DCC: variants seen among roughly 807,000 people sequenced by gnomAD.
DCC encodes the protein DCC netrin 1 receptor.
In DCC, 58 loss-of-function variants were observed where a neutral mutation model predicts 172.5. That is an observed-to-expected ratio of 0.34 (90% CI 0.27 to 0.42). The LOEUF is 0.42. Among genes scored for constraint, DCC ranks in the 10% least tolerant of loss-of-function variants. The pLI, the probability that DCC is intolerant of heterozygous loss-of-function variation, is 1.00. For missense variants in DCC, 1,740 were observed against 1,791.0 expected (o/e 0.97, Z 0.51); for synonymous variants, 709 against 644.5 (o/e 1.10, Z -1.52).
At chr18:52,645,731 C>T (rs571025366) in intron 1 of DCC, among the ~76,000 whole-genome samples, 2 of 152,252 alleles carry the variant, frequency 1.3e-5, no homozygotes, top group Middle Eastern at 3.4e-3. Flanking sequence ...GCAGCCCGTT[C>T]AGATGTAGCA....
chr18:53,162,742 T>C (rs2054862474), intron 8 of DCC, among the ~76,000 whole-genome samples: 1 of 152,224 alleles, frequency 6.6e-6, no homozygotes, highest in Non-Finnish European at 1.5e-5. Context: ...AAGCCTTTCT[T>C]GATCCCTGGC....
chr18:52,466,045 A>C (rs1428217794), intron 1 of DCC, among the ~76,000 whole-genome samples: 2 of 152,204 alleles, frequency 1.3e-5, no homozygotes, highest in African/African-American at 4.8e-5. Context: ...TTGCATTACC[A>C]GAATGGATTA....
intron 1 of DCC, among the ~76,000 whole-genome samples, chr18:52,492,776 G>A (rs1275282727): frequency 1.3e-5 from 2 of 152,048 alleles, no homozygotes; most frequent in Non-Finnish European, 2.9e-5. Context: ...ACTCATTAAC[G>A]AAGGTACAAG....
In DCC at chr18:53,163,651, C is replaced by T. The variant is rs189489816; in HGVS notation, c.1418+6139C>T. On this transcript the variant is annotated intron_variant, in intron 8 of 28. Transcript: ENST00000442544. ...TAATTCAAATCTTTTTATCCAACCC[C>T]TTGGGGTGCTTTTATTTCATAAGTT... 9.0e-4 allele frequency among the ~76,000 whole-genome samples: 137 copies of T among 152,284 alleles called. 1 individual carries two copies. Among genetic ancestry groups the T allele is most frequent in the African/African-American group, 3.0e-3 (124 of 41,556 alleles).
intron 15 of DCC, among the ~76,000 whole-genome samples, chr18:53,361,980 A>G (rs1279840887): frequency 6.6e-6 from 1 of 152,194 alleles, no homozygotes; most frequent in Non-Finnish European, 1.5e-5. Flanking sequence ...AACAGTACTT[A>G]TGGAAAGCTT....
At chr18:52,436,095 G>T (rs1013992864) in intron 1 of DCC, among the ~76,000 whole-genome samples, 1 of 152,182 alleles carries the variant, frequency 6.6e-6, no homozygotes, top group African/African-American at 2.4e-5. Context: ...TTCAACCACT[G>T]ATTCTCTCTT....
chr18:52,673,365 C>A (rs567803740), intron 1 of DCC, among the ~76,000 whole-genome samples: 44 of 152,238 alleles, frequency 2.9e-4, no homozygotes, highest in African/African-American at 8.4e-4. Context: ...TCTTGTTTTC[C>A]TGACCTTTTG....
chr18:52,483,336 A>G (rs2030047298), intron 1 of DCC, among the ~76,000 whole-genome samples: 1 of 152,086 alleles, frequency 6.6e-6, no homozygotes, highest in African/African-American at 2.4e-5. Context: ...TTTAGCTTCT[A>G]TTCTCATTTT....
intron 1 of DCC, among the ~76,000 whole-genome samples, chr18:52,637,737 C>T (rs2034810437): frequency 6.6e-6 from 1 of 152,268 alleles, no homozygotes; most frequent in Non-Finnish European, 1.5e-5. Context: ...GCTTGGAAAA[C>T]ATATTTGGGG....
intron 12 of DCC, among the ~76,000 whole-genome samples, chr18:53,231,524 T>C (rs1568380236): frequency 1.3e-5 from 2 of 152,168 alleles, no homozygotes; most frequent in Non-Finnish European, 2.9e-5. Context: ...TGCCTGTCTT[T>C]GCAGAAGATT....
rs189269153 is a variant in DCC, at chr18:52,788,424, A to C, written c.412+36050A>C. Among the ~76,000 whole-genome samples the C allele has an allele frequency of 2.4e-3, 370 of 152,306 alleles. 1 individual carries two copies. The highest frequency in any genetic ancestry group is 8.7e-3 in the African/African-American group (361 of 41,572). ...CATGTCCCAGGCCTTACCTATCTGTAAAGCATGCAGTATACAACCTTGGAA... is the reference window on the plus strand; with the variant it reads ...CATGTCCCAGGCCTTACCTATCTGTCAAGCATGCAGTATACAACCTTGGAA... On this transcript the variant is annotated intron_variant, in intron 2 of 28. Transcript: ENST00000442544.
chr18:53,373,541 TTTA>T (rs1367003981), intron 15 of DCC, among the ~76,000 whole-genome samples: 3 of 152,198 alleles, frequency 2.0e-5, no homozygotes, highest in African/African-American at 7.2e-5. Flanking sequence ...TTACCAGTTG[TTTA>T]TTTTTACATA....
At chr18:52,356,987 G>A (rs577601533) in intron 1 of DCC, among the ~76,000 whole-genome samples, 153 of 152,258 alleles carry the variant, frequency 1.0e-3, no homozygotes, top group Non-Finnish European at 1.6e-3. Context: ...GTTTCACCAT[G>A]TTGGCCAGGC....
intron 1 of DCC, among the ~76,000 whole-genome samples, chr18:52,730,823 A>G (rs2036627347): frequency 6.6e-6 from 1 of 152,150 alleles, no homozygotes; most frequent in Non-Finnish European, 1.5e-5. Context: ...GATAAACACT[A>G]CAGTTTCTTG....
chr18:53,211,656 G>A (rs573120038), intron 11 of DCC, among the ~76,000 whole-genome samples: 1 of 152,240 alleles, frequency 6.6e-6, no homozygotes, highest in East Asian at 1.9e-4. Flanking sequence ...CCCAGGAGGT[G>A]GAGCTTGCAG....
chr18:53,090,732 A>AAAAAAAAAAAAAAAAAAAAAAAAAAAAAT lies in DCC; in HGVS notation c.1261+24568_1261+24569insAAAAAAAAAAAAAAAAAAAAAAAAAATAA, dbSNP rs1568298492. Among the ~76,000 whole-genome samples, 5 of 129,156 alleles carry AAAAAAAAAAAAAAAAAAAAAAAAAAAAAT rather than the reference A, an allele frequency of 3.9e-5. 1 individual carries two copies. Among genetic ancestry groups the AAAAAAAAAAAAAAAAAAAAAAAAAAAAAT allele is most frequent in the Non-Finnish European group, 8.3e-5 (5 of 59,914 alleles). 84.7% of individuals were successfully genotyped at this position (129,156 alleles called of 152,430 possible). A position where few individuals can be genotyped will look rare whatever the true frequency, so the allele number is the denominator to read the frequency against. ...AAAAAAAAAAAAAAAAAAAAAAAAA[A>AAAAAAAAAAAAAAAAAAAAAAAAAAAAAT]AAGAATGTATCGTGTTTCTTGATGC... is the stretch of plus-strand genomic sequence containing the variant. On this transcript the variant is annotated intron_variant, in intron 7 of 28. Transcript: ENST00000442544.
intron 16 of DCC, among the ~76,000 whole-genome samples, chr18:53,387,932 A>G (rs1490365254): frequency 1.3e-5 from 2 of 152,246 alleles, no homozygotes; most frequent in Admixed American, 6.5e-5. Flanking sequence ...GGAAAAGGTG[A>G]AAGAATTCAA....
At chr18:53,004,472 C>A (rs1052161741) in intron 5 of DCC, among the ~76,000 whole-genome samples, 1 of 152,136 alleles carries the variant, frequency 6.6e-6, no homozygotes, top group Non-Finnish European at 1.5e-5. Flanking sequence ...AAAACCACTT[C>A]TTTGGGTGGC....
At chr18:53,253,028 C>G (rs1352319725) in intron 12 of DCC, among the ~76,000 whole-genome samples, 1 of 151,814 alleles carries the variant, frequency 6.6e-6, no homozygotes, top group Non-Finnish European at 1.5e-5. Flanking sequence ...TCATTTTATT[C>G]ATGTACCATT....
Sources: gnomAD v4.1 joint callset for allele counts (sites outside exome capture counted in the v4.1 genomes callset) on GRCh38, gnomAD v4.1.1 for gene constraint, MANE v1.5 for transcripts, NCBI Gene and HGNC (gene_info 2026-07-23, HGNC 2026-07-21) for gene names.